Variants in NELL1 observed in about 807,000 individuals in gnomAD.
The protein encoded by NELL1 is neural EGFL like 1.
A neutral mutation model predicts 107.4 loss-of-function variants in NELL1; 76 were observed. That is an observed-to-expected ratio of 0.71 (90% confidence interval 0.59 to 0.86). The LOEUF (loss-of-function observed/expected upper bound fraction) is 0.86, where lower values mean the gene tolerates loss of function less well. NELL1 is among the 40% of genes least tolerant of loss of function. The pLI is 0.00. For synonymous variants in NELL1, 353 were observed against 341.2 expected (o/e 1.03, Z -0.38); for missense variants, 1,024 against 1,005.5 (o/e 1.02, Z -0.25).
At chr11:20,861,555 G>T (rs1333278520) in intron 4 of NELL1, among the ~76,000 whole-genome samples, 2 of 152,168 alleles carry the variant, frequency 1.3e-5, no homozygotes, top group Middle Eastern at 3.2e-3. Context: ...CCTTGAATCA[G>T]CATGTCCTGT....
chr11:20,931,159 A>G (rs1850609517), intron 9 of NELL1, among the ~76,000 whole-genome samples: 1 of 152,090 alleles, frequency 6.6e-6, no homozygotes, highest in Non-Finnish European at 1.5e-5. Context: ...CAGTGTCTGG[A>G]ACTGTAAGTG....
chr11:21,302,354 G>A (rs889961124), intron 14 of NELL1, among the ~76,000 whole-genome samples: 1 of 151,972 alleles, frequency 6.6e-6, no homozygotes, highest in African/African-American at 2.4e-5. Context: ...ATGTTAGACA[G>A]AATTTCTTAC....
chr11:21,338,972 A>G (rs1420472366), intron 14 of NELL1, among the ~76,000 whole-genome samples: 1 of 152,182 alleles, frequency 6.6e-6, no homozygotes, highest in Non-Finnish European at 1.5e-5. Context: ...TCTCATTTTA[A>G]AAAGATGGAA....
At chr11:21,465,582 GT>G (rs1235322121) in intron 15 of NELL1, among the ~76,000 whole-genome samples, 2 of 151,922 alleles carry the variant, frequency 1.3e-5, no homozygotes, top group African/African-American at 2.4e-5. Flanking sequence ...TTCTGCCCTA[GT>G]TTTTTTCTCT....
At chr11:21,094,151 C>G (rs185008072) in intron 12 of NELL1, among the ~76,000 whole-genome samples, 4 of 152,152 alleles carry the variant, frequency 2.6e-5, no homozygotes, top group Non-Finnish European at 1.5e-5. Flanking sequence ...AAGAAATTGG[C>G]CAAAGCAAAG....
intron 13 of NELL1, among the ~76,000 whole-genome samples, chr11:21,130,072 C>T (rs746892607): frequency 4.6e-5 from 7 of 152,126 alleles, no homozygotes; most frequent in Non-Finnish European, 1.0e-4. Context: ...GAGAGTTTTT[C>T]AGATAATGTC....
chr11:20,820,976 C>T (rs1857738063), intron 3 of NELL1, among the ~76,000 whole-genome samples: 1 of 152,178 alleles, frequency 6.6e-6, no homozygotes, highest in Admixed American at 6.6e-5. Flanking sequence ...TTGGCTTGTT[C>T]ACTGCTATAT....
chr11:21,044,013 A>G (rs981241126), intron 12 of NELL1, among the ~76,000 whole-genome samples: 10 of 152,220 alleles, frequency 6.6e-5, no homozygotes, highest in Admixed American at 5.9e-4. Flanking sequence ...CTGGAGATAT[A>G]TCCTGGGAGT....
intron 14 of NELL1, among the ~76,000 whole-genome samples, chr11:21,254,117 T>C (rs1461106282): frequency 6.6e-6 from 1 of 152,090 alleles, no homozygotes; most frequent in African/African-American, 2.4e-5. Flanking sequence ...TGGAGCTTAC[T>C]CCTTCTCCAT....
intron 12 of NELL1, among the ~76,000 whole-genome samples, chr11:21,108,401 T>C (rs1361331650): frequency 6.6e-6 from 1 of 152,092 alleles, no homozygotes. Context: ...AAGTACACCT[T>C]TTAAAACAAA....
intron 3 of NELL1, among the ~76,000 whole-genome samples, chr11:20,812,902 G>A (rs1857531591): frequency 6.7e-6 from 1 of 149,852 alleles, no homozygotes; most frequent in South Asian, 2.1e-4. Context: ...CAGCTACTCG[G>A]GAGGCTGAGG....
At chr11:20,889,529 C>G (rs1849574913) in intron 5 of NELL1, among the ~76,000 whole-genome samples, 1 of 152,152 alleles carries the variant, frequency 6.6e-6, no homozygotes, top group Non-Finnish European at 1.5e-5. Context: ...AGAGCAAATG[C>G]ATGTTGACAG....
At position 20,982,582 on chromosome 11, in the gene NELL1, A is replaced by G. The variant is rs567368029; in HGVS notation, c.1300+22022A>G. On this transcript the variant is annotated intron_variant, in intron 12 of 19. Transcript: ENST00000357134. ...GAGATGCCACAGTGCTTGTAGTGAG[A>G]TATAGGATGTTATTCATATGATGTC... 4.9e-4 allele frequency among the ~76,000 whole-genome samples: 74 copies of G among 152,318 alleles called. 1 individual carries two copies. The highest frequency in any genetic ancestry group is 1.7e-3 in the African/African-American group (71 of 41,570).
chr11:21,313,052 C>CAAAATAAAATAAAAT (rs10616259), intron 14 of NELL1, among the ~76,000 whole-genome samples: 5 of 147,156 alleles, frequency 3.4e-5, no homozygotes, highest in East Asian at 4.0e-4. Context: ...CTCCCCGTCT[C>CAAAATAAAATAAAAT]AAAATAAAAT....
At chr11:21,428,492 C>T (rs551947166) in intron 15 of NELL1, among the ~76,000 whole-genome samples, 15 of 152,090 alleles carry the variant, frequency 9.9e-5, no homozygotes, top group African/African-American at 1.9e-4. Context: ...ATACACATTC[C>T]GGGGATATTC....
At chr11:20,893,792 T>C (rs1314511552) in intron 5 of NELL1, among the ~76,000 whole-genome samples, 1 of 150,930 alleles carries the variant, frequency 6.6e-6, no homozygotes, top group East Asian at 1.9e-4. Flanking sequence ...CAAAGCCTGT[T>C]GTATATTGCT....
At chr11:20,760,985 C>G (rs149398381) in intron 2 of NELL1, among the ~76,000 whole-genome samples, 2,245 of 152,198 alleles carry the variant, frequency 0.015, 27 homozygotes, top group Admixed American at 0.023. Context: ...TGCTGTCCCG[C>G]GGGTATAAAA....
At chr11:20,762,147 C>A (rs1856435157) in intron 2 of NELL1, among the ~76,000 whole-genome samples, 1 of 152,116 alleles carries the variant, frequency 6.6e-6, no homozygotes, top group Non-Finnish European at 1.5e-5. Context: ...GCAGAGTGCC[C>A]TTTGGTTTTT....
At chr11:21,408,141 T>C (rs1326841356) in intron 15 of NELL1, among the ~76,000 whole-genome samples, 1 of 151,996 alleles carries the variant, frequency 6.6e-6, no homozygotes, top group African/African-American at 2.4e-5. Flanking sequence ...TCCCAGGTAC[T>C]TGCCCAGAAT....
Sources: allele counts gnomAD v4.1 joint callset (sites outside exome capture counted in the v4.1 genomes callset), GRCh38; gene constraint gnomAD v4.1.1; transcripts MANE v1.5; gene names NCBI Gene and HGNC (gene_info 2026-07-23, HGNC 2026-07-21).